Variants in DOCK1 observed in about 807,000 individuals in gnomAD.
DOCK1 encodes dedicator of cytokinesis protein 1.
A neutral mutation model predicts 262.7 loss-of-function variants in DOCK1; 138 were observed. The observed-to-expected ratio is 0.53, with a 90% CI of 0.46 to 0.61. The LOEUF (loss-of-function observed/expected upper bound fraction) is 0.61, where lower values mean the gene tolerates loss of function less well. DOCK1 is among the 20% of genes least tolerant of loss of function. DOCK1 has a pLI of 0.00. For missense variants in DOCK1, 1,908 were observed against 2,370.7 expected (o/e 0.80, Z 4.05); for synonymous variants, 866 against 867.4 (o/e 1.00, Z 0.03).
At chr10:127,426,741 G>T (rs894179372) in intron 47 of DOCK1, among the ~76,000 whole-genome samples, 5 of 152,182 alleles carry the variant, frequency 3.3e-5, no homozygotes, top group Admixed American at 6.5e-5. Flanking sequence ...CCAAGAACAA[G>T]GGATGCTAGG....
chr10:127,228,862 T>C (rs1188524684), intron 27 of DOCK1, among the ~76,000 whole-genome samples: 1 of 152,222 alleles, frequency 6.6e-6, no homozygotes, highest in Non-Finnish European at 1.5e-5. Flanking sequence ...GCTTACATTG[T>C]GGAACAGCTA....
chr10:127,439,233 G>A lies in DOCK1; in HGVS notation c.5259+8G>A, dbSNP rs373880757. Reference sequence around the variant, plus strand: ...GTGATCCTTTCGGAAACGGTAACCCGACAGGGTATCTTTCCTCGCTCTGCG... The same window carrying A: ...GTGATCCTTTCGGAAACGGTAACCCAACAGGGTATCTTTCCTCGCTCTGCG... On this transcript the variant is annotated splice_region_variant and intron_variant, in intron 49 of 51. Coordinates refer to ENST00000623213, the MANE Select transcript of DOCK1 (RefSeq NM_001290223.2). 54 of 1,604,256 alleles carry A rather than the reference G, an allele frequency of 3.4e-5. 1 individual carries two copies. In the South Asian group the frequency reaches 3.5e-4, roughly 10 times the overall value.
intron 11 of DOCK1, among the ~76,000 whole-genome samples, chr10:127,010,464 C>G (rs1409120994): frequency 3.3e-5 from 5 of 152,184 alleles, no homozygotes; most frequent in African/African-American, 1.2e-4. Context: ...GAGATTCTGT[C>G]TCAATGATAA....
intron 27 of DOCK1, among the ~76,000 whole-genome samples, chr10:127,199,661 T>C (rs1294340326): frequency 6.6e-6 from 1 of 152,188 alleles, no homozygotes; most frequent in African/African-American, 2.4e-5. Flanking sequence ...GTGGAAAATA[T>C]CAGAATGGGG....
chr10:126,960,745 T>TATATATATATATACACACAC (rs1429186588), intron 1 of DOCK1, among the ~76,000 whole-genome samples: 1 of 115,500 alleles, frequency 8.7e-6, no homozygotes, highest in African/African-American at 4.0e-5. Context: ...TATATATATA[T>TATATATATATATACACACAC]ACACACACAC....
intron 27 of DOCK1, among the ~76,000 whole-genome samples, chr10:127,233,030 G>A (rs2058910923): frequency 6.6e-6 from 1 of 152,178 alleles, no homozygotes; most frequent in African/African-American, 2.4e-5. Flanking sequence ...TTTAGGTTAA[G>A]GGGATTTGAT....
chr10:127,390,190 A>G (rs1168367903), intron 38 of DOCK1, among the ~76,000 whole-genome samples: 1 of 151,910 alleles, frequency 6.6e-6, no homozygotes, highest in African/African-American at 2.4e-5. Flanking sequence ...TTTATACATT[A>G]CTCAGTCTCA....
chr10:127,134,939 G>A (rs2050561720), intron 27 of DOCK1, among the ~76,000 whole-genome samples: 2 of 152,124 alleles, frequency 1.3e-5, no homozygotes, highest in Non-Finnish European at 2.9e-5. Flanking sequence ...GGAGAGGTAG[G>A]CGCTCAGCCT....
intron 21 of DOCK1, among the ~76,000 whole-genome samples, chr10:127,044,681 C>T (rs1363600878): frequency 6.6e-6 from 1 of 152,068 alleles, no homozygotes; most frequent in African/African-American, 2.4e-5. Context: ...GATTAGGCTC[C>T]GTGCTTGAAT....
rs1185447139 is a variant in DOCK1, at chr10:126,951,607, GTGT to G, written c.47-19092_47-19090del. 5.5e-4 allele frequency among the ~76,000 whole-genome samples: 63 copies of G among 113,608 alleles called. 1 individual carries two copies. Among genetic ancestry groups the G allele is most frequent in the African/African-American group, 1.4e-4 (4 of 27,594 alleles). The allele number at this position is 113,608 out of a possible 152,430, so 74.5% of individuals were successfully genotyped here. A position where few individuals can be genotyped will look rare whatever the true frequency, so the allele number is the denominator to read the frequency against. On this transcript the variant is annotated intron_variant, in intron 1 of 51. Coordinates refer to ENST00000623213, the MANE Select transcript of DOCK1 (RefSeq NM_001290223.2). ...AGTATTGTTGGTAGTGTTTTTGGTA[GTGT>G]TGGTGGTGGTATTGTTGGTGGTAGT...
intron 27 of DOCK1, among the ~76,000 whole-genome samples, chr10:127,225,257 G>A (rs867533898): frequency 6.6e-6 from 1 of 152,300 alleles, no homozygotes; most frequent in Non-Finnish European, 1.5e-5. Flanking sequence ...TGTTTTATTG[G>A]TAAAGACAGA....
chr10:127,054,727 T>A (rs2045015937), intron 22 of DOCK1, among the ~76,000 whole-genome samples: 1 of 152,216 alleles, frequency 6.6e-6, no homozygotes, highest in South Asian at 2.1e-4. Context: ...TTGAAAGATG[T>A]TACAGATTTT....
In DOCK1 at chr10:127,296,016, T is replaced by G. The variant is rs578063046; in HGVS notation, c.3044+38587T>G. 5.9e-5 allele frequency among the ~76,000 whole-genome samples: 9 copies of G among 152,304 alleles called. No individual in the cohort carries two copies. The East Asian group carries it at 1.7e-3, about 29-fold the overall frequency. The stretch of plus-strand genomic sequence containing the variant: ...CTCTGGCTTTCTTACAGCATGCTGT[T>G]GCTGTGTGGTTTGGGTCACGTTTCT... On this transcript the variant is annotated intron_variant, in intron 29 of 51. Transcript: ENST00000623213.
At chr10:127,280,138 C>T (rs1399545921) in intron 29 of DOCK1, among the ~76,000 whole-genome samples, 1 of 150,320 alleles carries the variant, frequency 6.7e-6, no homozygotes, top group Admixed American at 6.6e-5. Flanking sequence ...GGGTTCACGC[C>T]ATTCTCCTGC....
intron 43 of DOCK1, among the ~76,000 whole-genome samples, chr10:127,414,499 A>G (rs2134426653): frequency 6.6e-6 from 1 of 152,326 alleles, no homozygotes; most frequent in South Asian, 2.1e-4. Context: ...TTGTCAAATG[A>G]TGTTTTTATT....
At chr10:126,934,771 T>G (rs900453889) in intron 1 of DOCK1, among the ~76,000 whole-genome samples, 1 of 145,120 alleles carries the variant, frequency 6.9e-6, no homozygotes, top group South Asian at 2.2e-4. Flanking sequence ...TTTTTTTTTT[T>G]GTCTTCTTGA....
At chr10:127,336,753 A>C (rs187344401) in intron 29 of DOCK1, among the ~76,000 whole-genome samples, 3 of 152,072 alleles carry the variant, frequency 2.0e-5, no homozygotes, top group South Asian at 2.1e-4. Flanking sequence ...GTTAGCCAGG[A>C]TGGTCTCAAT....
intron 29 of DOCK1, among the ~76,000 whole-genome samples, chr10:127,330,408 G>GAAA (rs1221721146): frequency 7.4e-6 from 1 of 135,166 alleles, no homozygotes; most frequent in African/African-American, 2.7e-5. Flanking sequence ...GGCTACATCA[G>GAAA]AAAAAAAAAA....
At chr10:127,146,171 A>G (rs892014777) in intron 27 of DOCK1, 5 of 371,510 alleles carry the variant, frequency 1.3e-5, no homozygotes, top group East Asian at 1.6e-4. Context: ...TGTTTTGGAC[A>G]TTGGTAAATG....
Sources: allele counts gnomAD v4.1 joint callset (sites outside exome capture counted in the v4.1 genomes callset), GRCh38; gene constraint gnomAD v4.1.1; transcripts MANE v1.5; gene names NCBI Gene and HGNC (gene_info 2026-07-23, HGNC 2026-07-21).